The following WDR18 variants were observed in gnomAD, a reference collection of about 807,000 sequenced individuals.
WDR18 encodes WD repeat domain 18.
WDR18 carries 33 observed loss-of-function variants against 49.6 expected under a neutral mutation model. That is an observed-to-expected ratio of 0.67 (90% CI 0.50 to 0.89). The LOEUF (loss-of-function observed/expected upper bound fraction) is 0.89, where lower values mean the gene tolerates loss of function less well. Among genes scored for constraint, WDR18 ranks in the 40% least tolerant of loss-of-function variants. The pLI is 0.00. For missense variants in WDR18, 653 were observed against 593.6 expected (o/e 1.10, Z -1.04); for synonymous variants, 315 against 263.6 (o/e 1.19, Z -1.89).
chr19:991,982 T>C lies in WDR18; in HGVS notation c.959T>C (p.Leu320Pro). The part of the protein sequence containing the change: ...KGPVTNAAIL[L>P]APVSMLSSDF... ...CCAGTCACCAATGCCGCCATCCTGC[T>C]GGCGCCCGTCAGCATGCTGAGCTCA... The change falls in exon 8 of 10, where the codon CTG becomes CCG. Residue 320 changes from leucine (L) to proline (P), a missense_variant. Leu to Pro is a moderately conservative substitution (Grantham distance 98). Transcript: ENST00000585809. 1 of 1,595,502 alleles carries C rather than the reference T, an allele frequency of 6.3e-7. No homozygotes were observed. Among genetic ancestry groups the C allele is most frequent in the Non-Finnish European group, 8.5e-7 (1 of 1,175,446 alleles).
intron 8 of WDR18, among the ~76,000 whole-genome samples, chr19:992,997 C>T (rs944740429): frequency 1.3e-5 from 2 of 152,240 alleles, no homozygotes; most frequent in Non-Finnish European, 2.9e-5. Context: ...CCGTTATCTC[C>T]CTTGTCCGTG....
At position 994,017 on chromosome 19, in the gene WDR18, C is replaced by G; in HGVS notation, c.1099-3C>G. 1 of 1,552,854 alleles carries G rather than the reference C, an allele frequency of 6.4e-7. No individual in the cohort carries two copies. The highest frequency in any genetic ancestry group is 1.2e-5 in the South Asian group (1 of 84,274). On this transcript the variant is annotated splice_polypyrimidine_tract_variant and splice_region_variant and intron_variant, in intron 8 of 9. Transcript: ENST00000585809. ...CGAGGTCACGTGGCTCCCTGTGTTA[C>G]AGGGCTCGGAGCCCAGCTACCTGGA...
chr19:991,201 C>T, intron 6 of WDR18, 26 bp from the exon 7 acceptor site: 1 of 35,516 alleles, frequency 2.8e-5, no homozygotes, highest in African/African-American at 9.0e-4. Flanking sequence ...TGGCACGTCC[C>T]AGGTGACCCC....
chr19:993,503 C>T (rs2038587582), intron 8 of WDR18, among the ~76,000 whole-genome samples: 1 of 152,248 alleles, frequency 6.6e-6, no homozygotes, highest in Admixed American at 6.5e-5. Context: ...GTCCCACAGA[C>T]AGGCGCTGCT....
In WDR18 at chr19:994,237, C is replaced by A. The variant is rs2038600732; in HGVS notation, c.1192C>A (p.Leu398Met). 1 of 1,606,422 alleles carries A rather than the reference C, an allele frequency of 6.2e-7. No individual in the cohort carries two copies. Among genetic ancestry groups the A allele is most frequent in the Non-Finnish European group, 8.5e-7 (1 of 1,177,972 alleles). The change falls in exon 10 of 10, where the codon CTG (leucine) becomes ATG (methionine). Residue 398 changes from leucine (L) to methionine (M), a missense_variant. Leu to Met is a conservative substitution (Grantham distance 15). Coordinates refer to ENST00000585809, the MANE Select transcript of WDR18 (RefSeq NM_024100.4). ...EKSVLGGQDQ[L>M]RVRVTELEDE... ...GAGCGTGCTCGGCGGCCAGGACCAG[C>A]TGCGCGTCCGTGTGACGGAGCTGGA...
At chr19:988,859 G>A (rs1188826061) in intron 2 of WDR18, among the ~76,000 whole-genome samples, 2 of 152,082 alleles carry the variant, frequency 1.3e-5, no homozygotes, top group Non-Finnish European at 2.9e-5. Flanking sequence ...GGATGCCCCC[G>A]CTCCAGAACC....
rs1040206160 is a variant in WDR18, at chr19:984,653, T to C, written c.210+90T>C. The C allele has an allele frequency of 8.7e-6, 11 of 1,269,518 alleles. No homozygotes were observed. In the South Asian group the frequency reaches 1.9e-4, roughly 22 times the overall value. The allele number at this position is 1,269,518 out of a possible 1,614,324, so 78.6% of individuals were successfully genotyped here. On this transcript the variant is annotated intron_variant, in intron 1 of 9. Coordinates refer to ENST00000585809, the MANE Select transcript of WDR18 (RefSeq NM_024100.4). ...TGGTGGGGGCCGCGTGCACCCTTAG[T>C]CGGAATTGGCGTGGGGAGGGGAGGT...
intron 1 of WDR18, among the ~76,000 whole-genome samples, chr19:985,328 C>T (rs2038463652): frequency 6.6e-6 from 1 of 152,152 alleles, no homozygotes; most frequent in African/African-American, 2.4e-5. Context: ...AACCACCACA[C>T]CCGGCCCACA....
chr19:990,704 A>C (rs2038533376), intron 4 of WDR18, 148 bp from the exon 5 acceptor site: 2 of 1,243,484 alleles, frequency 1.6e-6, no homozygotes, highest in East Asian at 5.2e-5. Context: ...CTGGCCCCCA[A>C]GACCCACATG....
chr19:989,738 C>G (rs371503164), intron 2 of WDR18, 24 bp from the exon 3 acceptor site: 3 of 1,612,062 alleles, frequency 1.9e-6, no homozygotes, highest in Non-Finnish European at 2.5e-6. Context: ...CTCCCCTGAC[C>G]TGGATACCCT....
intron 2 of WDR18, among the ~76,000 whole-genome samples, chr19:987,073 CG>C (rs1479571105): frequency 2.0e-5 from 3 of 152,150 alleles, no homozygotes; most frequent in African/African-American, 7.2e-5. Flanking sequence ...ATGGGCATGG[CG>C]GCTCATGCCT....
chr19:987,829 GTTTTTTTTTT>G lies in WDR18; in HGVS notation c.321+1868_321+1877del, dbSNP rs71174337. On this transcript the variant is annotated intron_variant, in intron 2 of 9. Coordinates refer to ENST00000585809, the MANE Select transcript of WDR18 (RefSeq NM_024100.4). ...ACCCCTGCTCCCCTAGCCGCCTCCA[GTTTTTTTTTT>G]TTTTTTTTTTTTTCAGATGAAGTCT... 3.3e-5 allele frequency among the ~76,000 whole-genome samples: 3 copies of G among 91,822 alleles called. 1 individual carries two copies. Among genetic ancestry groups the G allele is most frequent in the Non-Finnish European group, 5.9e-5 (3 of 50,874 alleles). The allele number at this position is 91,822 out of a possible 152,430, so 60.2% of individuals were successfully genotyped here.
At position 991,341 on chromosome 19, in the gene WDR18, G is replaced by A. The variant is rs1301637243; in HGVS notation, c.921G>A (p.Val307=). ...AGAGCAAGCAGTGCATCCGGACGGT[G>A]GCCCTCAAAGGTGGGCGCGCCTCTG... ...DVQSKQCIRT[V]ALKGPVTNAA... The change falls in exon 7 of 10, where the codon GTG becomes GTA. Residue 307 remains valine (V), a synonymous_variant. Coordinates refer to ENST00000585809, the MANE Select transcript of WDR18 (RefSeq NM_024100.4). The A allele has an allele frequency of 4.5e-6, 7 of 1,553,982 alleles. No individual in the cohort carries two copies. The South Asian group carries it at 4.7e-5, about 10-fold the overall frequency.
At chr19:983,881 CTAAA>C (rs944230670), upstream of WDR18, among the ~76,000 whole-genome samples, 1 of 152,004 alleles carries the variant, frequency 6.6e-6, no homozygotes, top group Admixed American at 6.6e-5. Context: ...CTCTACAAAA[CTAAA>C]TAAATAAGGA....
chr19:983,061 A>G (rs937787149), upstream of WDR18, among the ~76,000 whole-genome samples: 4 of 151,846 alleles, frequency 2.6e-5, no homozygotes, highest in Non-Finnish European at 4.4e-5. Context: ...GTCAGCTGCA[A>G]CCCCCGGGCG....
chr19:989,813 T>C lies in WDR18; in HGVS notation c.373T>C (p.Ser125Pro). 6.2e-7 allele frequency: 1 copy of C among 1,612,806 alleles called. No individual in the cohort carries two copies. The highest frequency in any genetic ancestry group is 8.5e-7 in the Non-Finnish European group (1 of 1,179,862). ...CCTGAGTCGACACTACCAGGACGTC[T>C]CCTGCCTTCAGTTCACAGGGGACAG... ...VILSRHYQDV[S>P]CLQFTGDSSH... Residue 125 changes from serine (S) to proline (P), a missense_variant, in exon 3 of 10, where the codon TCC (serine) becomes CCC (proline). Coordinates refer to ENST00000585809, the MANE Select transcript of WDR18 (RefSeq NM_024100.4).
chr19:985,392 A>G (rs954110622), intron 1 of WDR18, among the ~76,000 whole-genome samples: 1 of 151,970 alleles, frequency 6.6e-6, no homozygotes, highest in African/African-American at 2.4e-5. Context: ...CTGGTCTCGA[A>G]CTCCTGACCT....
chr19:988,998 A>G, intron 2 of WDR18, among the ~76,000 whole-genome samples: 1 of 149,862 alleles, frequency 6.7e-6, no homozygotes, highest in African/African-American at 2.5e-5. Context: ...CCACCAGAGC[A>G]TCTCAGCTCT....
intron 7 of WDR18, 150 bp downstream of exon 7, chr19:991,501 TGGGGGA>T: frequency 3.2e-6 from 1 of 316,274 alleles, no homozygotes; most frequent in East Asian, 2.7e-4. Context: ...GGGGCCTGGC[TGGGGGA>T]GTGGACTGGC....
Sources: allele counts gnomAD v4.1 joint callset (sites outside exome capture counted in the v4.1 genomes callset), GRCh38; gene constraint gnomAD v4.1.1; transcripts MANE v1.5; gene names NCBI Gene and HGNC (gene_info 2026-07-23, HGNC 2026-07-21).